PPP1R16A: variants seen among roughly 807,000 people sequenced by gnomAD.
The protein encoded by PPP1R16A is protein phosphatase 1 regulatory subunit 16A.
PPP1R16A carries 39 observed loss-of-function variants against 46.6 expected under a neutral mutation model. That is an observed-to-expected ratio of 0.84 (90% CI 0.65 to 1.09). PPP1R16A has a LOEUF of 1.09. Ranked by LOEUF, PPP1R16A falls within the 50% of genes least tolerant of loss-of-function variation. PPP1R16A has a pLI of 0.00. For synonymous variants in PPP1R16A, 413 were observed against 321.5 expected (o/e 1.28, Z -3.04); for missense variants, 798 against 735.6 (o/e 1.08, Z -0.98).
Position 144,498,760 on chromosome 8 carries a change from C to CT in PPP1R16A, c.260-5dup. On this transcript the variant is annotated splice_polypyrimidine_tract_variant and intron_variant, in intron 3 of 11. Coordinates refer to ENST00000435887, the MANE Select transcript of PPP1R16A (RefSeq NM_001329443.2). ...CAGGACCCTGTCCTCACCTCGCCAC[C>CT]TTTTTGCAGTCCGCCAGTTCCTTGG... 1 of 1,574,476 alleles carries CT rather than the reference C, an allele frequency of 6.4e-7. No homozygotes were observed. The highest frequency in any genetic ancestry group is 8.7e-7 in the Non-Finnish European group (1 of 1,154,036).
intron 5 of PPP1R16A, chr8:144,499,578 G>T (rs1586759709): frequency 5.3e-6 from 1 of 189,400 alleles, no homozygotes; most frequent in East Asian, 1.4e-4. Flanking sequence ...CTGTGAGGCC[G>T]GGTGGGGTGT....
At chr8:144,484,713 A>G (rs771190142) in intron 1 of PPP1R16A, among the ~76,000 whole-genome samples, 40 of 152,214 alleles carry the variant, frequency 2.6e-4, no homozygotes, top group Non-Finnish European at 4.9e-4. Context: ...AGCCCCTGAC[A>G]GACATTGCGT....
intron 5 of PPP1R16A, chr8:144,499,531 G>A (rs2130514411): frequency 5.3e-6 from 1 of 190,234 alleles, no homozygotes; most frequent in South Asian, 1.3e-4. Flanking sequence ...ATCTGTAGTG[G>A]GAGAGAGGTC....
chr8:144,481,670 T>TG (rs1825432435), intron 1 of PPP1R16A, among the ~76,000 whole-genome samples: 1 of 152,164 alleles, frequency 6.6e-6, no homozygotes, highest in South Asian at 2.1e-4. Context: ...TTCACATCAA[T>TG]GGAATCATAT....
intron 1 of PPP1R16A, among the ~76,000 whole-genome samples, chr8:144,487,551 T>C (rs533644689): frequency 6.6e-6 from 1 of 152,244 alleles, no homozygotes; most frequent in African/African-American, 2.4e-5. Flanking sequence ...TTAAATTTTG[T>C]AGAGATGAGA....
intron 1 of PPP1R16A, among the ~76,000 whole-genome samples, chr8:144,486,213 G>A (rs1025698828): frequency 4.6e-5 from 7 of 151,826 alleles, no homozygotes; most frequent in African/African-American, 9.7e-5. Context: ...GTGTGATCTC[G>A]CGCCACCACA....
chr8:144,498,223 A>C, intron 3 of PPP1R16A: 1 of 361,836 alleles, frequency 2.8e-6, no homozygotes, highest in Non-Finnish European at 5.8e-6. Flanking sequence ...GGAAGGTGGG[A>C]GCCCTCCTGC....
At chr8:144,480,057 T>C (rs976843738) in intron 1 of PPP1R16A, among the ~76,000 whole-genome samples, 3 of 152,074 alleles carry the variant, frequency 2.0e-5, no homozygotes, top group African/African-American at 4.8e-5. Context: ...AACAAGGTGA[T>C]GAGATAAGAG....
At chr8:144,483,311 T>C (rs1187058532) in intron 1 of PPP1R16A, among the ~76,000 whole-genome samples, 1 of 152,226 alleles carries the variant, frequency 6.6e-6, no homozygotes, top group Admixed American at 6.5e-5. Flanking sequence ...TCAAAGGCTT[T>C]CCTCCTGTTT....
At chr8:144,492,077 G>T in intron 2 of PPP1R16A, among the ~76,000 whole-genome samples, 1 of 152,274 alleles carries the variant, frequency 6.6e-6, no homozygotes, top group East Asian at 1.9e-4. Flanking sequence ...GGGGCGCTGG[G>T]CTGGCCCCCA....
At position 144,502,119 on chromosome 8, in the gene PPP1R16A, G is replaced by A. The variant is rs1490707137; in HGVS notation, c.*216G>A. The A allele has an allele frequency of 7.3e-6, 4 of 545,368 alleles. No individual in the cohort carries two copies. Among genetic ancestry groups the A allele is most frequent in the East Asian group, 6.0e-5 (2 of 33,216 alleles). 33.8% of individuals were successfully genotyped at this position (545,368 alleles called of 1,614,324 possible). On this transcript the variant is annotated 3_prime_UTR_variant, in exon 12 of 12. Transcript: ENST00000435887. ...TCTTGATAAAGGGCTGTTTTGCCAT[G>A]GAGCCTCGTTGTGTGTTGTGTGTCT...
At chr8:144,495,067 C>A (rs1586750843) in intron 2 of PPP1R16A, among the ~76,000 whole-genome samples, 1 of 152,196 alleles carries the variant, frequency 6.6e-6, no homozygotes, top group Non-Finnish European at 1.5e-5. Context: ...AGAGTTACTG[C>A]CTGGAAAAGC....
intron 1 of PPP1R16A, among the ~76,000 whole-genome samples, chr8:144,480,061 A>G (rs1419629613): frequency 6.6e-6 from 1 of 152,246 alleles, no homozygotes; most frequent in African/African-American, 2.4e-5. Context: ...AGGTGATGAG[A>G]TAAGAGAATG....
intron 1 of PPP1R16A, among the ~76,000 whole-genome samples, chr8:144,483,556 C>G (rs1357083860): frequency 6.6e-6 from 1 of 152,246 alleles, no homozygotes; most frequent in South Asian, 2.1e-4. Context: ...ACTACAGGTG[C>G]ATGCCGCCAC....
chr8:144,498,730 A>C (rs889477343), intron 3 of PPP1R16A, 40 bp from the exon 4 acceptor site: 3 of 1,534,466 alleles, frequency 2.0e-6, no homozygotes, highest in Middle Eastern at 1.7e-4. Context: ...GGACCTGACC[A>C]GGGGCAGGAC....
At chr8:144,495,914 GC>G (rs1231884728) in intron 2 of PPP1R16A, 2 of 152,478 alleles carry the variant, frequency 1.3e-5, no homozygotes, top group African/African-American at 4.8e-5. Context: ...GGCTTTTATT[GC>G]AGCCTAGGAT....
At chr8:144,501,047 A>G (rs770930250) in intron 10 of PPP1R16A, 76 bp downstream of exon 10, 10 of 1,528,832 alleles carry the variant, frequency 6.5e-6, no homozygotes, top group Non-Finnish European at 8.8e-6. Flanking sequence ...TGCCAGCCGA[A>G]CTGGGGGCAG....
At position 144,501,915 on chromosome 8, in the gene PPP1R16A, A is replaced by G. The variant is rs1826529331; in HGVS notation, c.*12A>G. 6.6e-7 allele frequency: 1 copy of G among 1,507,708 alleles called. No individual in the cohort carries two copies. The highest frequency in any genetic ancestry group is 2.5e-5 in the East Asian group (1 of 40,538). 93.4% of individuals were successfully genotyped at this position (1,507,708 alleles called of 1,614,324 possible). A position where few individuals can be genotyped will look rare whatever the true frequency, so the allele number is the denominator to read the frequency against. Reference sequence around the variant, plus strand: ...GCCTGCTCATGTGAGGCTGTTGCTCAGCATGCAGGGGCCCTGTCGCGGGCA... The same window carrying G: ...GCCTGCTCATGTGAGGCTGTTGCTCGGCATGCAGGGGCCCTGTCGCGGGCA... On this transcript the variant is annotated 3_prime_UTR_variant, in exon 12 of 12. Coordinates refer to ENST00000435887, the MANE Select transcript of PPP1R16A (RefSeq NM_001329443.2).
At position 144,498,792 on chromosome 8, in the gene PPP1R16A, G is replaced by T. The variant is rs1268738482; in HGVS notation, c.282G>T (p.Gly94=). 3 of 1,596,208 alleles carry T rather than the reference G, an allele frequency of 1.9e-6. No homozygotes were observed. The African/African-American group carries it at 4.0e-5, about 21-fold the overall frequency. The change falls in exon 4 of 12, where the codon GGG becomes GGT. Residue 94 remains glycine, a synonymous_variant. Coordinates refer to ENST00000435887, the MANE Select transcript of PPP1R16A (RefSeq NM_001329443.2). ...CAGTCCGCCAGTTCCTTGGGAGTGG[G>T]GTCAGCCCTGACTTGGCCAACGAGG... ...LEEVRQFLGS[G]VSPDLANEDG...
Sources: allele counts gnomAD v4.1 joint callset (sites outside exome capture counted in the v4.1 genomes callset), GRCh38; gene constraint gnomAD v4.1.1; transcripts MANE v1.5; gene names NCBI Gene and HGNC (gene_info 2026-07-23, HGNC 2026-07-21).